ATP6V0E1: variants seen among roughly 807,000 people sequenced by gnomAD.
ATP6V0E1 encodes the protein ATPase H+ transporting V0 subunit e1, also known as V-type proton ATPase subunit e 1.
A neutral mutation model predicts 11.6 loss-of-function variants in ATP6V0E1; 4 were observed. The observed-to-expected ratio is 0.35, with a 90% CI of 0.17 to 0.79. The LOEUF (loss-of-function observed/expected upper bound fraction) is 0.79, where lower values mean the gene tolerates loss of function less well. ATP6V0E1 is among the 30% of genes least tolerant of loss of function. The pLI is 0.54. For missense variants in ATP6V0E1, 105 were observed against 100.0 expected (o/e 1.05, Z -0.21); for synonymous variants, 36 against 34.8 (o/e 1.04, Z -0.13).
chr5:173,031,544 C>T (rs945007939), intron 3 of ATP6V0E1, among the ~76,000 whole-genome samples: 11 of 150,986 alleles, frequency 7.3e-5, no homozygotes, highest in African/African-American at 2.2e-4. Context: ...CCTGGCCAGG[C>T]GAGGTGGCTC....
chr5:173,027,132 T>G (rs1756573097), intron 3 of ATP6V0E1, among the ~76,000 whole-genome samples: 1 of 143,866 alleles, frequency 7.0e-6, no homozygotes, highest in Non-Finnish European at 1.5e-5. Flanking sequence ...TTAGCAGAGA[T>G]TGTGCCACTG....
Position 173,020,552 on chromosome 5 carries a change from C to G in ATP6V0E1, c.*36+185C>G. The G allele has an allele frequency of 8.8e-6, 5 of 565,412 alleles. No individual in the cohort carries two copies. The South Asian group carries it at 9.8e-5, about 11-fold the overall frequency. The allele number at this position is 565,412 out of a possible 1,614,324, so 35.0% of individuals were successfully genotyped here. A position where few individuals can be genotyped will look rare whatever the true frequency, so the allele number is the denominator to read the frequency against. On this transcript the variant is annotated intron_variant, in intron 3 of 3. Transcript: ENST00000519374. Reference sequence around the variant, plus strand: ...AGCTTACCTAAATCTCATTAAGATTCTTTTTAGATTCTGCTATCACCCTGC... The same window carrying G: ...AGCTTACCTAAATCTCATTAAGATTGTTTTTAGATTCTGCTATCACCCTGC...
In ATP6V0E1 at chr5:173,020,380, G is replaced by T; in HGVS notation, c.*36+13G>T. 6.9e-7 allele frequency: 1 copy of T among 1,448,724 alleles called. No homozygotes were observed. Among genetic ancestry groups the T allele is most frequent in the African/African-American group, 1.4e-5 (1 of 71,352 alleles). 89.7% of individuals were successfully genotyped at this position (1,448,724 alleles called of 1,614,324 possible). On this transcript the variant is annotated intron_variant, in intron 3 of 3. Coordinates refer to ENST00000519374, the MANE Select transcript of ATP6V0E1 (RefSeq NM_003945.4). ...CTCAGTCTTTGAGGTGACTATGCTT[G>T]TGACCTTTCTTATCAGTATGGTCAG...
At chr5:173,016,001 G>C (rs1756392780) in intron 2 of ATP6V0E1, among the ~76,000 whole-genome samples, 1 of 152,212 alleles carries the variant, frequency 6.6e-6, no homozygotes, top group African/African-American at 2.4e-5. Flanking sequence ...CGAGATTACA[G>C]GCGTGAGCCA....
intron 3 of ATP6V0E1, among the ~76,000 whole-genome samples, chr5:173,028,834 G>A (rs1413068036): frequency 6.6e-6 from 1 of 152,168 alleles, no homozygotes; most frequent in Admixed American, 6.6e-5. Flanking sequence ...GATGTATGTG[G>A]GACTCTAATG....
intron 2 of ATP6V0E1, among the ~76,000 whole-genome samples, chr5:173,010,977 G>C (rs2113598532): frequency 6.6e-6 from 1 of 152,200 alleles, no homozygotes; most frequent in South Asian, 2.1e-4. Flanking sequence ...GCCAGGGAGG[G>C]TTTATAGTAT....
chr5:172,996,364 C>G (rs955301948), intron 2 of ATP6V0E1, among the ~76,000 whole-genome samples: 1 of 151,918 alleles, frequency 6.6e-6, no homozygotes, highest in African/African-American at 2.4e-5. Context: ...TTGAGACCAG[C>G]CTGGCCAACA....
At chr5:173,016,092 A>G (rs1342286727) in intron 2 of ATP6V0E1, among the ~76,000 whole-genome samples, 1 of 152,196 alleles carries the variant, frequency 6.6e-6, no homozygotes, top group Non-Finnish European at 1.5e-5. Context: ...TAGTAGATTA[A>G]TTGAACCTAA....
At chr5:172,998,802 A>G (rs1756111059) in intron 2 of ATP6V0E1, among the ~76,000 whole-genome samples, 1 of 152,004 alleles carries the variant, frequency 6.6e-6, no homozygotes, top group African/African-American at 2.4e-5. Flanking sequence ...TGCTTTGAAG[A>G]TCTCTGCAAT....
intron 2 of ATP6V0E1, among the ~76,000 whole-genome samples, chr5:173,016,504 A>G (rs1756401480): frequency 6.6e-6 from 1 of 152,236 alleles, no homozygotes; most frequent in South Asian, 2.1e-4. Context: ...CCGCTACAAC[A>G]TCCTACAAAG....
chr5:173,020,253 T>G lies in ATP6V0E1; in HGVS notation c.168T>G (p.Ile56Met). The G allele has an allele frequency of 6.2e-7, 1 of 1,613,636 alleles. No individual in the cohort carries two copies. The highest frequency in any genetic ancestry group is 8.5e-7 in the Non-Finnish European group (1 of 1,179,586). ...VCCYLFWLIAILAQLNPLFGP... is the reference protein window; with the variant it reads ...VCCYLFWLIAMLAQLNPLFGP... ...CTTCTTTTAGTTGGCTGATTGCAAT[T>G]CTGGCCCAACTCAACCCTCTCTTTG... is the stretch of plus-strand genomic sequence containing the variant. The change falls in exon 3 of 4, where the codon ATT (isoleucine) becomes ATG (methionine). Residue 56 changes from isoleucine to methionine, a missense_variant. Ile to Met is a conservative substitution (Grantham distance 10, BLOSUM62 1). Transcript: ENST00000519374.
At chr5:172,996,745 A>G (rs1222546594) in intron 2 of ATP6V0E1, among the ~76,000 whole-genome samples, 1 of 152,174 alleles carries the variant, frequency 6.6e-6, no homozygotes, top group Non-Finnish European at 1.5e-5. Context: ...CAATTTTAGA[A>G]TAAGGCATAA....
At chr5:172,990,278 C>G (rs1353204105) in intron 1 of ATP6V0E1, among the ~76,000 whole-genome samples, 1 of 152,148 alleles carries the variant, frequency 6.6e-6, no homozygotes, top group East Asian at 1.9e-4. Context: ...CAGCTAAAAT[C>G]AGGTCTGTGC....
At chr5:173,020,474 G>A in intron 3 of ATP6V0E1, 107 bp downstream of exon 3, 1 of 652,192 alleles carries the variant, frequency 1.5e-6, no homozygotes, top group Non-Finnish European at 2.7e-6. Context: ...AGGGCAAGCT[G>A]CTGAATGCAA....
chr5:173,006,587 C>G (rs1756234014), intron 2 of ATP6V0E1, among the ~76,000 whole-genome samples: 1 of 152,164 alleles, frequency 6.6e-6, no homozygotes, highest in African/African-American at 2.4e-5. Flanking sequence ...GCACTCCAGC[C>G]TGGGTGACAG....
chr5:172,986,569 A>G, intron 1 of ATP6V0E1: 1 of 278,078 alleles, frequency 3.6e-6, no homozygotes, highest in South Asian at 3.0e-5. Flanking sequence ...TCCAGGATGC[A>G]GTAAGCTATG....
At chr5:173,034,332 G>A (rs1442615973) in intron 3 of ATP6V0E1, 67 bp from the exon 4 acceptor site, 7 of 697,268 alleles carry the variant, frequency 1.0e-5, no homozygotes, top group Non-Finnish European at 1.6e-5. Context: ...TAACTTTCTC[G>A]ATGTTAACTT....
intron 3 of ATP6V0E1, among the ~76,000 whole-genome samples, chr5:173,025,826 C>G (rs1218025981): frequency 2.4e-4 from 36 of 151,822 alleles, no homozygotes; most frequent in Admixed American, 2.4e-3. Flanking sequence ...ACCAGTATAA[C>G]TAATAGATAT....
At chr5:172,994,929 C>G in intron 2 of ATP6V0E1, 107 bp downstream of exon 2, 1 of 859,630 alleles carries the variant, frequency 1.2e-6, no homozygotes, top group Non-Finnish European at 1.8e-6. Context: ...GAAATAGTGT[C>G]CTAAAATTGA....
Sources: allele counts gnomAD v4.1 joint callset (sites outside exome capture counted in the v4.1 genomes callset), GRCh38; gene constraint gnomAD v4.1.1; transcripts MANE v1.5; gene names NCBI Gene and HGNC (gene_info 2026-07-23, HGNC 2026-07-21).